The following ATP2B4 variants were observed in gnomAD, a reference collection of about 807,000 sequenced individuals.
ATP2B4 encodes ATPase plasma membrane Ca2+ transporting 4.
In ATP2B4, 39 loss-of-function variants were observed where a neutral mutation model predicts 110.3. The ratio of observed to expected loss-of-function variants is 0.35; its 90% CI spans 0.27 to 0.46. The LOEUF is 0.46. Ranked by LOEUF, ATP2B4 falls within the 20% of genes least tolerant of loss-of-function variation. The probability of loss-of-function intolerance (pLI) is 1.00; values close to 1 mark genes in which losing one functional copy is unlikely to be tolerated. For missense variants in ATP2B4, 1,135 were observed against 1,530.9 expected (o/e 0.74, Z 4.32); for synonymous variants, 538 against 571.7 (o/e 0.94, Z 0.84).
rs111787604 is a variant in ATP2B4 at position 203,713,968 on chromosome 1, A to C, written c.2300-203A>C. On this transcript the variant is annotated intron_variant, in intron 14 of 20. Coordinates refer to ENST00000357681, the MANE Select transcript of ATP2B4 (RefSeq NM_001684.5). ...TTGAAATCCATCCTATGTGTTCTTC[A>C]TAGCTGTCTTAGGGTACCGGATGAG... 2.9e-3 allele frequency among the ~76,000 whole-genome samples: 437 copies of C among 152,294 alleles called. 3 individuals are homozygous for C. The highest frequency in any genetic ancestry group is 0.01 in the African/African-American group (422 of 41,556).
At chr1:203,680,914 C>T (rs1418841575) in intron 1 of ATP2B4, among the ~76,000 whole-genome samples, 1 of 152,168 alleles carries the variant, frequency 6.6e-6, no homozygotes, top group East Asian at 1.9e-4. Flanking sequence ...GCATTGTTCC[C>T]AACATCCTCT....
intron 1 of ATP2B4, among the ~76,000 whole-genome samples, chr1:203,655,240 A>G (rs1433143337): frequency 1.3e-5 from 2 of 152,262 alleles, no homozygotes; most frequent in Non-Finnish European, 2.9e-5. Context: ...TTAGAATATT[A>G]CATAAACATA....
intron 20 of ATP2B4, among the ~76,000 whole-genome samples, chr1:203,739,291 T>C: frequency 6.6e-6 from 1 of 152,208 alleles, no homozygotes. Context: ...TTGGGTTTTC[T>C]ACTTTTTTTA....
intron 19 of ATP2B4, among the ~76,000 whole-genome samples, chr1:203,725,822 G>A (rs559519487): frequency 6.6e-6 from 1 of 151,336 alleles, no homozygotes; most frequent in East Asian, 1.9e-4. Flanking sequence ...GGAGCTGCAG[G>A]CCTTCTCCCC....
chr1:203,661,045 G>T (rs759640249), intron 1 of ATP2B4, among the ~76,000 whole-genome samples: 3 of 151,978 alleles, frequency 2.0e-5, no homozygotes, highest in Non-Finnish European at 2.9e-5. Flanking sequence ...AGGAAGCAGA[G>T]GTTACAGTGA....
chr1:203,690,074 G>A (rs1052444902), intron 2 of ATP2B4, among the ~76,000 whole-genome samples: 3 of 151,996 alleles, frequency 2.0e-5, no homozygotes, highest in East Asian at 1.9e-4. Flanking sequence ...AGTGGCAGGC[G>A]GGAAAAAAAA....
At chr1:203,665,625 C>A (rs1571698162) in intron 1 of ATP2B4, among the ~76,000 whole-genome samples, 1 of 152,106 alleles carries the variant, frequency 6.6e-6, no homozygotes, top group African/African-American at 2.4e-5. Flanking sequence ...TATGGTGAAA[C>A]CCTGTCTCTA....
Position 203,658,554 on chromosome 1 carries a change from AGAAAC to A in ATP2B4, c.-464-24184_-464-24180del, listed in dbSNP as rs372122711. On this transcript the variant is annotated intron_variant, in intron 1 of 20. Transcript: ENST00000357681. ...TCAAAAAAAAAAGAAAAAAAGAAAA[AGAAAC>A]GAAGACGGGATGATGAGCAAATAAA... is the stretch of plus-strand genomic sequence containing the variant. Among the ~76,000 whole-genome samples, 26 of 150,482 alleles carry A rather than the reference AGAAAC, an allele frequency of 1.7e-4. No individual in the cohort carries two copies. The East Asian group carries it at 4.6e-3, about 27-fold the overall frequency.
intron 1 of ATP2B4, among the ~76,000 whole-genome samples, chr1:203,659,313 T>C (rs1239909445): frequency 1.3e-5 from 2 of 152,250 alleles, no homozygotes; most frequent in Non-Finnish European, 2.9e-5. Context: ...CTTTGAATCA[T>C]TAATCTTTAT....
intron 20 of ATP2B4, chr1:203,733,191 G>A (rs1055660314): frequency 1.3e-6 from 2 of 1,592,140 alleles, no homozygotes; most frequent in Admixed American, 1.7e-5. Context: ...TGACTGTGGA[G>A]CAAAGCTGTC....
intron 2 of ATP2B4, among the ~76,000 whole-genome samples, chr1:203,683,662 G>GTTTTT: frequency 9.0e-6 from 1 of 111,174 alleles, no homozygotes; most frequent in African/African-American, 3.2e-5. Context: ...TTCTTCTTTT[G>GTTTTT]TTTCTTTTTT....
intron 1 of ATP2B4, among the ~76,000 whole-genome samples, chr1:203,633,232 A>C (rs1663330537): frequency 6.6e-6 from 1 of 152,264 alleles, no homozygotes; most frequent in African/African-American, 2.4e-5. Flanking sequence ...ATTGAATATT[A>C]AAAATTCCTT....
intron 1 of ATP2B4, among the ~76,000 whole-genome samples, chr1:203,678,080 G>C (rs1000376718): frequency 2.0e-5 from 3 of 152,186 alleles, no homozygotes; most frequent in African/African-American, 7.2e-5. Context: ...GCAGCCTGAA[G>C]CCCTAGCCCC....
In ATP2B4 at chr1:203,635,526, AG is replaced by A. The variant is rs78075256; in HGVS notation, c.-465+8309del. Among the ~76,000 whole-genome samples, 448 of 152,188 alleles carry A rather than the reference AG, an allele frequency of 2.9e-3. 6 individuals carry two copies. In the East Asian group the frequency reaches 0.044, roughly 15 times the overall value. ...AAAATAAAAAATTAGCTGGGCATGG[AG>A]GCTGTGCACCTGTCTGTAGTCCTAG... On this transcript the variant is annotated intron_variant, in intron 1 of 20. Transcript: ENST00000357681.
intron 1 of ATP2B4, among the ~76,000 whole-genome samples, chr1:203,675,299 A>G (rs1269107500): frequency 6.6e-6 from 1 of 152,216 alleles, no homozygotes; most frequent in Non-Finnish European, 1.5e-5. Flanking sequence ...TGCCTTCTGA[A>G]GGCATCTGAC....
chr1:203,676,623 A>C lies in ATP2B4; in HGVS notation c.-464-6119A>C, dbSNP rs74590986. On this transcript the variant is annotated intron_variant, in intron 1 of 20. Coordinates refer to ENST00000357681, the MANE Select transcript of ATP2B4 (RefSeq NM_001684.5). Reference sequence around the variant, plus strand: ...TGCACAGGAAACAGCCCTGCTGGAAACAAGAGAGAGAATGCAGAGCAGGTT... The same window carrying C: ...TGCACAGGAAACAGCCCTGCTGGAACCAAGAGAGAGAATGCAGAGCAGGTT... Among the ~76,000 whole-genome samples, 413 of 152,306 alleles carry C rather than the reference A, an allele frequency of 2.7e-3. 9 individuals carry two copies. In the East Asian group the frequency reaches 0.036, roughly 13 times the overall value.
intron 20 of ATP2B4, among the ~76,000 whole-genome samples, chr1:203,731,624 G>C (rs998218767): frequency 4.0e-5 from 6 of 151,884 alleles, no homozygotes; most frequent in African/African-American, 1.5e-4. Flanking sequence ...GGCTGAGGAA[G>C]GCAAATCACA....
intron 19 of ATP2B4, among the ~76,000 whole-genome samples, chr1:203,727,038 A>ACCC (rs1361898976): frequency 5.9e-5 from 9 of 152,210 alleles, no homozygotes; most frequent in Non-Finnish European, 1.3e-4. Flanking sequence ...CCTACTGCGT[A>ACCC]CCATGCTGTA....
chr1:203,666,132 G>C (rs577605331), intron 1 of ATP2B4, among the ~76,000 whole-genome samples: 1 of 152,284 alleles, frequency 6.6e-6, no homozygotes, highest in East Asian at 1.9e-4. Context: ...GCTGCTTCTG[G>C]GTAGAGCAGA....
Sources: gnomAD v4.1 joint callset for allele counts (sites outside exome capture counted in the v4.1 genomes callset) on GRCh38, gnomAD v4.1.1 for gene constraint, MANE v1.5 for transcripts, NCBI Gene and HGNC (gene_info 2026-07-23, HGNC 2026-07-21) for gene names.